Variants in MDGA2 observed in about 807,000 individuals in gnomAD.
MDGA2 encodes MAM domain-containing glycosylphosphatidylinositol anchor protein 2.
MDGA2 carries 40 observed loss-of-function variants against 117.8 expected under a neutral mutation model. The ratio of observed to expected loss-of-function variants is 0.34; its 90% CI spans 0.26 to 0.44. The LOEUF (loss-of-function observed/expected upper bound fraction) is 0.44. Among genes scored for constraint, MDGA2 ranks in the 20% least tolerant of loss-of-function variants. The pLI, the probability that MDGA2 is intolerant of heterozygous loss-of-function variation, is 1.00. For missense variants in MDGA2, 1,123 were observed against 1,250.6 expected (o/e 0.90, Z 1.54); for synonymous variants, 452 against 439.0 (o/e 1.03, Z -0.37).
chr14:47,381,799 T>C (rs372450173), intron 1 of MDGA2, among the ~76,000 whole-genome samples: 4 of 152,144 alleles, frequency 2.6e-5, no homozygotes, highest in South Asian at 2.1e-4. Flanking sequence ...AGGTAATTTA[T>C]AGATTCAATG....
chr14:47,157,974 T>C (rs897046874), intron 3 of MDGA2, among the ~76,000 whole-genome samples: 15 of 150,282 alleles, frequency 1.0e-4, no homozygotes, highest in Non-Finnish European at 2.1e-4. Flanking sequence ...TATTTCTTCA[T>C]AGCAGTGTGG....
intron 1 of MDGA2, among the ~76,000 whole-genome samples, chr14:47,375,248 C>T (rs879446753): frequency 4.0e-5 from 6 of 151,592 alleles, no homozygotes; most frequent in Non-Finnish European, 8.8e-5. Flanking sequence ...TTCGTAACTG[C>T]TTAGCCTACA....
intron 1 of MDGA2, among the ~76,000 whole-genome samples, chr14:47,497,410 C>T (rs899303632): frequency 9.9e-5 from 15 of 152,078 alleles, no homozygotes; most frequent in African/African-American, 3.6e-4. Context: ...GCATGCACCA[C>T]CACGCCCAGC....
chr14:47,545,988 C>T (rs937383119), intron 1 of MDGA2, among the ~76,000 whole-genome samples: 1 of 152,050 alleles, frequency 6.6e-6, no homozygotes, highest in East Asian at 1.9e-4. Context: ...ATGCTTTAAG[C>T]AGAATTTCTG....
chr14:47,036,205 G>A lies in MDGA2; in HGVS notation c.1526-901C>T, dbSNP rs571784627. Among the ~76,000 whole-genome samples the A allele has an allele frequency of 3.5e-5, 5 of 143,536 alleles. No individual in the cohort carries two copies. In the South Asian group the frequency reaches 1.1e-3, roughly 32 times the overall value. 94.2% of individuals were successfully genotyped at this position (143,536 alleles called of 152,430 possible). A position where few individuals can be genotyped will look rare whatever the true frequency, so the allele number is the denominator to read the frequency against. On this transcript the variant is annotated intron_variant, in intron 7 of 16. Transcript: ENST00000399232. ...GAATGGTGTGAACCCGGGAGGCGGAGCTTGCAGTGAGTTGAGATTGCACCA... is the reference window on the plus strand; with the variant it reads ...GAATGGTGTGAACCCGGGAGGCGGAACTTGCAGTGAGTTGAGATTGCACCA...
intron 9 of MDGA2, among the ~76,000 whole-genome samples, chr14:46,932,310 T>C (rs2138552488): frequency 6.6e-6 from 1 of 152,220 alleles, no homozygotes; most frequent in East Asian, 1.9e-4. Flanking sequence ...TTAGTCTTTT[T>C]ATAATTTGCT....
At chr14:47,509,882 T>C (rs950090145) in intron 1 of MDGA2, among the ~76,000 whole-genome samples, 1 of 152,204 alleles carries the variant, frequency 6.6e-6, no homozygotes, top group African/African-American at 2.4e-5. Flanking sequence ...TTGAGTTACA[T>C]CCATGTCTGA....
intron 2 of MDGA2, among the ~76,000 whole-genome samples, chr14:47,270,985 GA>G (rs1888126040): frequency 6.6e-6 from 1 of 152,110 alleles, no homozygotes; most frequent in Non-Finnish European, 1.5e-5. Flanking sequence ...AAGTTAAAAG[GA>G]AGTCACTCCT....
intron 2 of MDGA2, among the ~76,000 whole-genome samples, chr14:47,225,255 G>A (rs1057077967): frequency 4.6e-5 from 7 of 152,042 alleles, no homozygotes; most frequent in East Asian, 1.9e-4. Context: ...TCAGTGTGGC[G>A]ATCCTCAGGG....
chr14:46,957,598 T>G lies in MDGA2; in HGVS notation c.1865A>C (p.Gln622Pro). ...GCAACTCATAGTGACACTTCGATCC[T>G]GTCCTTGCCGGATTTCCAAGAATGC... is the stretch of plus-strand genomic sequence containing the variant. ...EPAFLEIRQGQDRSVTMSCRV... is the reference protein window; with the variant it reads ...EPAFLEIRQGPDRSVTMSCRV... The change falls in exon 9 of 17, where the codon CAG becomes CCG. Residue 622 changes from glutamine (Q) to proline (P), a missense_variant. Coordinates refer to ENST00000399232, the MANE Select transcript of MDGA2 (RefSeq NM_001113498.3). The G allele has an allele frequency of 6.2e-7, 1 of 1,614,154 alleles. No individual in the cohort carries two copies. The highest frequency in any genetic ancestry group is 8.5e-7 in the Non-Finnish European group (1 of 1,179,984).
At chr14:46,934,918 A>G (rs960644205) in intron 9 of MDGA2, among the ~76,000 whole-genome samples, 1 of 152,232 alleles carries the variant, frequency 6.6e-6, no homozygotes, top group Non-Finnish European at 1.5e-5. Flanking sequence ...GGCTTTTGTC[A>G]CAGTTAAGGC....
chr14:47,281,604 G>A (rs534799979), intron 2 of MDGA2, among the ~76,000 whole-genome samples: 65 of 152,244 alleles, frequency 4.3e-4, no homozygotes, highest in Middle Eastern at 3.4e-3. Context: ...TTGTCATACT[G>A]ATCCATCCAT....
chr14:47,369,038 A>G (rs1002213165), intron 1 of MDGA2, among the ~76,000 whole-genome samples: 1 of 152,164 alleles, frequency 6.6e-6, no homozygotes, highest in Admixed American at 6.5e-5. Context: ...AAATGTTAAA[A>G]TTAATGAATA....
chr14:47,357,130 G>A (rs1336730929), intron 1 of MDGA2, among the ~76,000 whole-genome samples: 2 of 152,174 alleles, frequency 1.3e-5, no homozygotes, highest in African/African-American at 4.8e-5. Context: ...ACAACTTGCA[G>A]TGGATTACTC....
At chr14:46,961,682 AC>A (rs1885815928) in intron 8 of MDGA2, among the ~76,000 whole-genome samples, 2 of 149,506 alleles carry the variant, frequency 1.3e-5, no homozygotes, top group Non-Finnish European at 3.0e-5. Context: ...TCACTCTGTC[AC>A]CCAGGCTGGA....
intron 10 of MDGA2, among the ~76,000 whole-genome samples, chr14:46,915,065 G>C (rs534062178): frequency 3.3e-5 from 5 of 152,184 alleles, no homozygotes; most frequent in East Asian, 1.9e-4. Flanking sequence ...AACCATCCAA[G>C]TTATGTTTAC....
intron 8 of MDGA2, among the ~76,000 whole-genome samples, chr14:46,998,838 G>T (rs1214914515): frequency 6.6e-6 from 1 of 151,868 alleles, no homozygotes; most frequent in East Asian, 1.9e-4. Context: ...CTTACAAATT[G>T]GACAAGGAAT....
In MDGA2 at chr14:46,948,072, T is replaced by C. The variant is rs115328252; in HGVS notation, c.2089+9302A>G. On this transcript the variant is annotated intron_variant, in intron 9 of 16. Transcript: ENST00000399232. ...TTTAGTCTAGTAATATAGTTATTTA[T>C]ATCAACTGTTACATTTTTATACCCA... Among the ~76,000 whole-genome samples, 1,457 of 152,172 alleles carry C rather than the reference T, an allele frequency of 9.6e-3. 24 individuals are homozygous for C. The highest frequency in any genetic ancestry group is 0.033 in the African/African-American group (1,379 of 41,548).
chr14:47,607,741 G>A (rs973706623), intron 1 of MDGA2, among the ~76,000 whole-genome samples: 2 of 152,102 alleles, frequency 1.3e-5, no homozygotes, highest in African/African-American at 4.8e-5. Context: ...GTAGGCCAGA[G>A]GGGATATGGG....
Sources: gnomAD v4.1 joint callset for allele counts (sites outside exome capture counted in the v4.1 genomes callset) on GRCh38, gnomAD v4.1.1 for gene constraint, MANE v1.5 for transcripts, NCBI Gene and HGNC (gene_info 2026-07-23, HGNC 2026-07-21) for gene names.